The following SKIC3 variants were observed in gnomAD, a reference collection of about 807,000 sequenced individuals.
SKIC3 encodes SKI3 subunit of superkiller complex, also known as superkiller complex protein 3.
At chr5:95,528,580 A>G in the SKIC3 span, among the ~76,000 whole-genome samples, 1 of 152,286 alleles carries the variant, frequency 6.6e-6, no homozygotes, top group Non-Finnish European at 1.5e-5. Context: ...GTGGGTCAGA[A>G]ACAGTGAACC....
chr5:95,492,538 G>A, the SKIC3 span, among the ~76,000 whole-genome samples: 1 of 141,834 alleles, frequency 7.1e-6, no homozygotes, highest in Admixed American at 7.1e-5. Context: ...TTGGGAGGCT[G>A]AGGCAGGAGA....
At chr5:95,505,587 G>A in the SKIC3 span, among the ~76,000 whole-genome samples, 1 of 152,080 alleles carries the variant, frequency 6.6e-6, no homozygotes, top group Non-Finnish European at 1.5e-5. Flanking sequence ...GCCAAGGCGG[G>A]CGAATCACGA....
At chr5:95,495,817 T>A in the SKIC3 span, among the ~76,000 whole-genome samples, 2 of 152,152 alleles carry the variant, frequency 1.3e-5, no homozygotes, top group Non-Finnish European at 2.9e-5. Context: ...TTTCACAAGA[T>A]GACCAGGTGA....
At chr5:95,504,034 C>A in the SKIC3 span, 17 of 1,283,010 alleles carry the variant, frequency 1.3e-5, no homozygotes, top group South Asian at 2.0e-4. Context: ...TTGGGCCGGA[C>A]GCGGTGGCTC....
the SKIC3 span, among the ~76,000 whole-genome samples, chr5:95,542,202 T>A: frequency 1.3e-5 from 2 of 152,198 alleles, no homozygotes; most frequent in South Asian, 4.1e-4. Flanking sequence ...ACACTTTTAA[T>A]GGCTATTCTA....
the SKIC3 span, chr5:95,512,571 T>A: frequency 6.2e-7 from 1 of 1,614,048 alleles, no homozygotes; most frequent in Non-Finnish European, 8.5e-7. Context: ...TGCTTTTATC[T>A]TGCAATGTTG....
At chr5:95,526,132 A>T in the SKIC3 span, among the ~76,000 whole-genome samples, 2 of 152,180 alleles carry the variant, frequency 1.3e-5, no homozygotes, top group South Asian at 4.1e-4. Flanking sequence ...ACACTATCAA[A>T]TTTCTCAGTT....
chr5:95,514,682 A>G, the SKIC3 span, among the ~76,000 whole-genome samples: 1 of 152,200 alleles, frequency 6.6e-6, no homozygotes, highest in Non-Finnish European at 1.5e-5. Context: ...CATATCTCAA[A>G]GAATTGATGA....
At chr5:95,552,253 C>CCCTCTTCA in the SKIC3 span, among the ~76,000 whole-genome samples, 1 of 152,146 alleles carries the variant, frequency 6.6e-6, no homozygotes, top group Non-Finnish European at 1.5e-5. Flanking sequence ...ATATTAGTTA[C>CCCTCTTCA]TACACTACAT....
At chr5:95,525,635 GA>G in the SKIC3 span, 1 of 1,614,046 alleles carries the variant, frequency 6.2e-7, no homozygotes, top group African/African-American at 1.3e-5. Flanking sequence ...CCAAGCTTTT[GA>G]GAACCAAAAG....
chr5:95,492,398 A>G, the SKIC3 span, among the ~76,000 whole-genome samples: 1 of 151,926 alleles, frequency 6.6e-6, no homozygotes, highest in Non-Finnish European at 1.5e-5. Flanking sequence ...GCACTTTGGG[A>G]GGCCGAGGCG....
At chr5:95,464,598 A>G in the SKIC3 span, 1 of 1,602,250 alleles carries the variant, frequency 6.2e-7, no homozygotes, top group South Asian at 1.1e-5. Flanking sequence ...ACTATAAAAT[A>G]ATCCAATGTT....
the SKIC3 span, chr5:95,478,439 G>A: frequency 2.5e-6 from 4 of 1,613,604 alleles, no homozygotes; most frequent in Non-Finnish European, 3.4e-6. Flanking sequence ...ACATGTGCCA[G>A]CCACTAAGAA....
chr5:95,469,418 G>A, the SKIC3 span, among the ~76,000 whole-genome samples: 3,391 of 152,196 alleles, frequency 0.022, 63 homozygotes, highest in Middle Eastern at 0.065. Flanking sequence ...ATGTAGCCTT[G>A]TGTTGGGGTC....
chr5:95,503,208 GATT>G, the SKIC3 span, among the ~76,000 whole-genome samples: 1 of 152,056 alleles, frequency 6.6e-6, no homozygotes. Flanking sequence ...GTATCATTAG[GATT>G]ATTATGTGAC....
At chr5:95,507,930 CAA>C in the SKIC3 span, among the ~76,000 whole-genome samples, 1 of 138,736 alleles carries the variant, frequency 7.2e-6, no homozygotes. Context: ...CGATACATAC[CAA>C]AAAAAAAAAA....
chr5:95,536,790 C>A, the SKIC3 span: 1 of 1,553,250 alleles, frequency 6.4e-7, no homozygotes, highest in Non-Finnish European at 8.9e-7. Flanking sequence ...ACCTCTAGGA[C>A]ACACACTATA....
chr5:95,514,823 G>T, the SKIC3 span: 3 of 1,601,226 alleles, frequency 1.9e-6, no homozygotes, highest in Non-Finnish European at 1.7e-6. Flanking sequence ...ATATCAACAA[G>T]CTTATTAGTA....
At chr5:95,517,867 C>A in the SKIC3 span, among the ~76,000 whole-genome samples, 20 of 152,170 alleles carry the variant, frequency 1.3e-4, no homozygotes, top group Admixed American at 4.6e-4. Context: ...AGGGCTCTGC[C>A]TCCCTAAATG....
Sources: allele counts gnomAD v4.1 joint callset (sites outside exome capture counted in the v4.1 genomes callset), GRCh38; gene constraint gnomAD v4.1.1; transcripts MANE v1.5; gene names NCBI Gene and HGNC (gene_info 2026-07-23, HGNC 2026-07-21).